HPGD: variants seen among roughly 807,000 people sequenced by gnomAD.
HPGD encodes the protein 15-hydroxyprostaglandin dehydrogenase [NAD(+)].
A neutral mutation model predicts 30.0 loss-of-function variants in HPGD; 29 were observed. The observed-to-expected ratio is 0.97, with a 90% CI of 0.72 to 1.32. The LOEUF (loss-of-function observed/expected upper bound fraction) is 1.32, where lower values mean the gene tolerates loss of function less well. Among genes scored for constraint, HPGD ranks in the 40% most tolerant of loss-of-function variants. The pLI, the probability that HPGD is intolerant of heterozygous loss-of-function variation, is 0.00. For missense variants in HPGD, 340 were observed against 322.1 expected (o/e 1.06, Z -0.43); for synonymous variants, 99 against 112.4 (o/e 0.88, Z 0.75).
intron 3 of HPGD, among the ~76,000 whole-genome samples, chr4:174,511,495 T>C (rs1413426387): frequency 6.6e-6 from 1 of 152,158 alleles, no homozygotes; most frequent in Non-Finnish European, 1.5e-5. Flanking sequence ...TGAACATATT[T>C]AGGTTTACAG....
At chr4:174,497,414 C>A (rs1049852095) in intron 4 of HPGD, among the ~76,000 whole-genome samples, 2 of 151,912 alleles carry the variant, frequency 1.3e-5, no homozygotes, top group Non-Finnish European at 2.9e-5. Flanking sequence ...AAGGTGGATT[C>A]GTAAATGCAA....
intron 3 of HPGD, among the ~76,000 whole-genome samples, chr4:174,510,725 G>T (rs766063787): frequency 1.3e-5 from 2 of 152,112 alleles, no homozygotes; most frequent in African/African-American, 2.4e-5. Flanking sequence ...AGGGTCTAAT[G>T]CTTTGGCTGT....
At chr4:174,497,778 A>C (rs1398423332) in intron 4 of HPGD, among the ~76,000 whole-genome samples, 1 of 151,464 alleles carries the variant, frequency 6.6e-6, no homozygotes, top group African/African-American at 2.4e-5. Context: ...GGGTTTCACC[A>C]TGTTGGCCAG....
intron 3 of HPGD, among the ~76,000 whole-genome samples, chr4:174,516,533 T>G (rs1402529263): frequency 6.6e-6 from 1 of 152,072 alleles, no homozygotes; most frequent in Non-Finnish European, 1.5e-5. Context: ...ATCTATGGGT[T>G]GCTATGACCA....
chr4:174,510,604 T>G (rs1421850767), intron 3 of HPGD, among the ~76,000 whole-genome samples: 1 of 152,228 alleles, frequency 6.6e-6, no homozygotes, highest in Non-Finnish European at 1.5e-5. Flanking sequence ...GCAATATTTA[T>G]CTTTAGGTCT....
chr4:174,510,901 A>C (rs1056327569), intron 3 of HPGD, among the ~76,000 whole-genome samples: 1 of 152,148 alleles, frequency 6.6e-6, no homozygotes, highest in African/African-American at 2.4e-5. Context: ...TCAGCCTCCC[A>C]AAGTGCTGGG....
At position 174,491,359 on chromosome 4, in the gene HPGD, T is replaced by C. The variant is rs1255660216; in HGVS notation, c.*597A>G. On this transcript the variant is annotated 3_prime_UTR_variant, in exon 7 of 7. Coordinates refer to ENST00000296522, the MANE Select transcript of HPGD (RefSeq NM_000860.6). The stretch of plus-strand genomic sequence containing the variant: ...TGAATCAACAGTGTCAATCAGTTAC[T>C]TTCTGTCATTTTTCCATACAGCAGT... 1 of 152,948 alleles carries C rather than the reference T, an allele frequency of 6.5e-6. No homozygotes were observed. The highest frequency in any genetic ancestry group is 1.5e-5 in the Non-Finnish European group (1 of 68,158). 9.5% of individuals were successfully genotyped at this position (152,948 alleles called of 1,614,324 possible). A position where few individuals can be genotyped will look rare whatever the true frequency, so the allele number is the denominator to read the frequency against.
At chr4:174,522,687 G>T, upstream of HPGD, 1 of 455,466 alleles carries the variant, frequency 2.2e-6, no homozygotes. Flanking sequence ...TCGCAGACCG[G>T]CTCAAAGCCT....
At position 174,492,642 on chromosome 4, in the gene HPGD, G is replaced by A. The variant is rs1734393254; in HGVS notation, c.662+509C>T. 6.6e-6 allele frequency among the ~76,000 whole-genome samples: 1 copy of A among 152,004 alleles called. No homozygotes were observed. The highest frequency in any genetic ancestry group is 6.6e-5 in the Admixed American group (1 of 15,260). ...AAGCATCTAGAGGTATGATGGGTAA[G>A]TTCATGGTTAGTGGTAGAGCCAAGA... On this transcript the variant is annotated intron_variant, in intron 6 of 6. Transcript: ENST00000296522. The surrounding 1 kb of genome is among the most constrained non-coding windows in gnomAD (Gnocchi z 4.9).
At chr4:174,497,710 TG>T (rs1232864999) in intron 4 of HPGD, among the ~76,000 whole-genome samples, 1 of 150,684 alleles carries the variant, frequency 6.6e-6, no homozygotes, top group Non-Finnish European at 1.5e-5. Context: ...CCCAAGTAGC[TG>T]GAACTACAGG....
rs1296875178 is a variant in HPGD at position 174,496,827 on chromosome 4, T to G, written c.422-1203A>C. ...CCTGGGTGCCTGCCAGGTTTCAATT[T>G]ATAAAGTATGTTTGCACAAGGGCAG... On this transcript the variant is annotated intron_variant, in intron 4 of 6. Transcript: ENST00000296522. The surrounding 1 kb of genome is among the most constrained non-coding windows in gnomAD (Gnocchi z 4.6). Among the ~76,000 whole-genome samples, 2 of 152,214 alleles carry G rather than the reference T, an allele frequency of 1.3e-5. No individual in the cohort carries two copies. The highest frequency in any genetic ancestry group is 4.8e-5 in the African/African-American group (2 of 41,458).
chr4:174,509,399 G>A (rs566168247), intron 3 of HPGD, among the ~76,000 whole-genome samples: 51 of 152,232 alleles, frequency 3.4e-4, no homozygotes, highest in African/African-American at 1.1e-3. Context: ...ATTCAGTCAT[G>A]GAAATCCCAT....
chr4:174,497,568 C>CTTTTTTTTTTTTTTTTTTTTTTTTT lies in HPGD; in HGVS notation c.422-1969_422-1945dup, dbSNP rs778825547. Among the ~76,000 whole-genome samples the CTTTTTTTTTTTTTTTTTTTTTTTTT allele has an allele frequency of 1.5e-3, 75 of 51,104 alleles. 10 individuals carry two copies. Among genetic ancestry groups the CTTTTTTTTTTTTTTTTTTTTTTTTT allele is most frequent in the African/African-American group, 3.3e-3 (49 of 14,966 alleles). The allele number at this position is 51,104 out of a possible 152,430, so 33.5% of individuals were successfully genotyped here. ...CACTTTCTTTTCTTTCTTTTTCTTT[C>CTTTTTTTTTTTTTTTTTTTTTTTTT]TTTTTTTTTTTTTTTTTTTTTTTTT... On this transcript the variant is annotated intron_variant, in intron 4 of 6. Coordinates refer to ENST00000296522, the MANE Select transcript of HPGD (RefSeq NM_000860.6).
At chr4:174,510,169 T>C (rs1735409619) in intron 3 of HPGD, among the ~76,000 whole-genome samples, 1 of 152,228 alleles carries the variant, frequency 6.6e-6, no homozygotes, top group Admixed American at 6.5e-5. Context: ...TTTGAAGTTT[T>C]CTTTTTTTTG....
At chr4:174,512,242 A>G (rs1735544259) in intron 3 of HPGD, among the ~76,000 whole-genome samples, 1 of 152,220 alleles carries the variant, frequency 6.6e-6, no homozygotes, top group South Asian at 2.1e-4. Context: ...ATGGCAGGTG[A>G]CCCAGTAACT....
rs1345851908 is a variant in HPGD, at chr4:174,496,867, G to C, written c.422-1243C>G. Among the ~76,000 whole-genome samples the C allele has an allele frequency of 1.3e-5, 2 of 152,174 alleles. No homozygotes were observed. Among genetic ancestry groups the C allele is most frequent in the African/African-American group, 4.8e-5 (2 of 41,444 alleles). On this transcript the variant is annotated intron_variant, in intron 4 of 6. Transcript: ENST00000296522. The surrounding 1 kb of genome is among the most constrained non-coding windows in gnomAD (Gnocchi z 4.6). ...CACAAGGGCAGTTTAAATCCCTGAGGATGGTAGATCACACCTAGTGTGTCC... is the reference window on the plus strand; with the variant it reads ...CACAAGGGCAGTTTAAATCCCTGAGCATGGTAGATCACACCTAGTGTGTCC...
rs965561027 is a variant in HPGD at position 174,492,538 on chromosome 4, T to C, written c.663-444A>G. 6.6e-6 allele frequency among the ~76,000 whole-genome samples: 1 copy of C among 152,044 alleles called. No individual in the cohort carries two copies. Among genetic ancestry groups the C allele is most frequent in the African/African-American group, 2.4e-5 (1 of 41,454 alleles). On this transcript the variant is annotated intron_variant, in intron 6 of 6. Coordinates refer to ENST00000296522, the MANE Select transcript of HPGD (RefSeq NM_000860.6). This position sits in a 1 kb window ranked among gnomAD's most constrained non-coding sequence, Gnocchi z 4.9. ...TTTACCAGTTACCATTTTAAGTACC[T>C]TGTATGTATCATTTTATTTAAGTTT... is the stretch of plus-strand genomic sequence containing the variant.
chr4:174,493,575 C>G (rs1038182392), intron 5 of HPGD: 5 of 381,662 alleles, frequency 1.3e-5, no homozygotes, highest in Non-Finnish European at 2.4e-5. Context: ...ATGTAAGCTT[C>G]TCTTATCTAC....
At position 174,490,350 on chromosome 4, in the gene HPGD, A is replaced by C. The variant is rs1734284120; in HGVS notation, c.*1606T>G. 1 of 152,346 alleles carries C rather than the reference A, an allele frequency of 6.6e-6. No homozygotes were observed. Among genetic ancestry groups the C allele is most frequent in the South Asian group, 2.1e-4 (1 of 4,834 alleles). 9.4% of individuals were successfully genotyped at this position (152,346 alleles called of 1,614,324 possible). A position where few individuals can be genotyped will look rare whatever the true frequency, so the allele number is the denominator to read the frequency against. On this transcript the variant is annotated 3_prime_UTR_variant, in exon 7 of 7. Coordinates refer to ENST00000296522, the MANE Select transcript of HPGD (RefSeq NM_000860.6). This position sits in a 1 kb window ranked among gnomAD's most constrained non-coding sequence, Gnocchi z 4.4. ...TTGATATTTGATTTTAAATGTCTACATAATTTATTGATTTGAAAAAATTAA... is the reference window on the plus strand; with the variant it reads ...TTGATATTTGATTTTAAATGTCTACCTAATTTATTGATTTGAAAAAATTAA...
Sources: gnomAD v4.1 joint callset for allele counts (sites outside exome capture counted in the v4.1 genomes callset) on GRCh38, gnomAD v4.1.1 for gene constraint, Gnocchi (gnomAD v3.1) non-coding constraint, MANE v1.5 for transcripts, NCBI Gene and HGNC (gene_info 2026-07-23, HGNC 2026-07-21) for gene names.